ST7L: variants seen among roughly 807,000 people sequenced by gnomAD.
ST7L encodes the protein suppression of tumorigenicity 7 like, also known as suppressor of tumorigenicity 7 protein-like.
In ST7L, 57 loss-of-function variants were observed where a neutral mutation model predicts 72.5. That is an observed-to-expected ratio of 0.79 (90% CI 0.64 to 0.98). The LOEUF is 0.98. Among genes scored for constraint, ST7L ranks in the 50% least tolerant of loss-of-function variants. The pLI, the probability that ST7L is intolerant of heterozygous loss-of-function variation, is 0.00. For missense variants in ST7L, 576 were observed against 672.2 expected (o/e 0.86, Z 1.58); for synonymous variants, 221 against 240.9 (o/e 0.92, Z 0.77).
chr1:112,618,060 C>G, intron 1 of ST7L: 1 of 1,304,012 alleles, frequency 7.7e-7, no homozygotes, highest in East Asian at 5.5e-5. Context: ...CCTTTTGCTT[C>G]AGAAAAATCA....
intron 11 of ST7L, among the ~76,000 whole-genome samples, chr1:112,568,942 CACAA>C (rs1008946918): frequency 6.8e-6 from 1 of 146,698 alleles, no homozygotes. Flanking sequence ...AAAGAAAAAA[CACAA>C]ACAGCCAATA....
chr1:112,566,119 A>G (rs1278195625), intron 11 of ST7L, among the ~76,000 whole-genome samples: 2 of 152,088 alleles, frequency 1.3e-5, no homozygotes, highest in African/African-American at 4.8e-5. Context: ...ATCTAATTTC[A>G]TCAGAAGGCA....
chr1:112,541,237 T>C (rs936568435), intron 14 of ST7L, among the ~76,000 whole-genome samples: 10 of 151,018 alleles, frequency 6.6e-5, no homozygotes, highest in Non-Finnish European at 8.8e-5. Flanking sequence ...TGAGCTGAGA[T>C]CGTACCACTG....
intron 2 of ST7L, among the ~76,000 whole-genome samples, chr1:112,611,969 CAAAAAAAA>C (rs146893029): frequency 0.035 from 2,486 of 71,706 alleles, 83 homozygotes; most frequent in African/African-American, 0.12. Context: ...GACCCTGTCT[CAAAAAAAA>C]AAAAAAAAAA....
chr1:112,591,600 A>G lies in ST7L; in HGVS notation c.626T>C (p.Met209Thr), dbSNP rs781771525. 4 of 1,606,044 alleles carry G rather than the reference A, an allele frequency of 2.5e-6. No homozygotes were observed. Among genetic ancestry groups the G allele is most frequent in the South Asian group, 1.1e-5 (1 of 89,394 alleles). Residue 209 changes from methionine to threonine, a missense_variant, in exon 6 of 15, where the codon ATG (methionine) becomes ACG (threonine). Transcript: ENST00000358039. Reference protein sequence around the residue: ...TDFLRPSDTVMQKAWRERNPP... With the variant: ...TDFLRPSDTVTQKAWRERNPP... The stretch of plus-strand genomic sequence containing the variant: ...ATTTCTTTCCCTCCAAGCCTTCTGC[A>G]TAACTGTAGAAAAAAATTCCATAAA...
At chr1:112,527,775 A>G (rs762667890) in intron 14 of ST7L, 9 of 152,262 alleles carry the variant, frequency 5.9e-5, no homozygotes, top group African/African-American at 1.4e-4. Context: ...CTCCTTCCCA[A>G]TTGTAGGGAT....
At chr1:112,563,013 G>T (rs59771513) in intron 11 of ST7L, among the ~76,000 whole-genome samples, 1 of 152,092 alleles carries the variant, frequency 6.6e-6, no homozygotes, top group Non-Finnish European at 1.5e-5. Context: ...CAGAGAAGTA[G>T]AATTGGGAGG....
intron 12 of ST7L, among the ~76,000 whole-genome samples, chr1:112,551,136 A>ATTTTTTTTTT (rs1658060983): frequency 8.4e-6 from 1 of 119,740 alleles, no homozygotes; most frequent in African/African-American, 3.6e-5. Flanking sequence ...CTATGAGCAG[A>ATTTTTTTTTT]TCTTTTTTTT....
chr1:112,614,464 GC>G (rs1245669253), intron 2 of ST7L, among the ~76,000 whole-genome samples: 1 of 152,064 alleles, frequency 6.6e-6, no homozygotes, highest in Non-Finnish European at 1.5e-5. Flanking sequence ...AAATTATGAG[GC>G]TTATATTAAC....
downstream of ST7L, chr1:112,520,251 G>T (rs752143798): frequency 3.1e-6 from 5 of 1,598,036 alleles, no homozygotes; most frequent in African/African-American, 1.3e-5. Flanking sequence ...AGATAACTTT[G>T]TTCTCACTCC....
chr1:112,581,116 T>A (rs1664040793), intron 9 of ST7L, among the ~76,000 whole-genome samples: 1 of 152,162 alleles, frequency 6.6e-6, no homozygotes, highest in Non-Finnish European at 1.5e-5. Flanking sequence ...TCCCACAACA[T>A]CATAAGACTA....
At chr1:112,603,091 A>G (rs1667682146) in intron 3 of ST7L, among the ~76,000 whole-genome samples, 1 of 152,190 alleles carries the variant, frequency 6.6e-6, no homozygotes, top group Non-Finnish European at 1.5e-5. Context: ...GCTGCCAGTG[A>G]TAAAATTTGA....
chr1:112,539,664 A>G, intron 14 of ST7L: 2 of 959,058 alleles, frequency 2.1e-6, no homozygotes, highest in Non-Finnish European at 2.5e-6. Flanking sequence ...TCAAAAAAAA[A>G]AAAAAAAAAG....
rs370387066 is a variant in ST7L at position 112,587,863 on chromosome 1, AT to A, written c.701+3661del. 9.7e-3 allele frequency among the ~76,000 whole-genome samples: 1,483 copies of A among 152,314 alleles called. 10 individuals carry two copies. Among genetic ancestry groups the A allele is most frequent in the Non-Finnish European group, 0.015 (1,016 of 68,028 alleles). On this transcript the variant is annotated intron_variant, in intron 6 of 14. Transcript: ENST00000358039. ...CATTTCTGCAGAAATGATAATTAAAATTTTTATAGGGATTGCACTGAATCCG... is the reference window on the plus strand; with the variant it reads ...CATTTCTGCAGAAATGATAATTAAAATTTTATAGGGATTGCACTGAATCCG...
intron 11 of ST7L, among the ~76,000 whole-genome samples, chr1:112,576,121 ACT>A (rs1663062729): frequency 6.6e-6 from 1 of 151,794 alleles, no homozygotes; most frequent in East Asian, 1.9e-4. Flanking sequence ...ATGGGGTTTC[ACT>A]CTGTCACCCA....
intron 3 of ST7L, among the ~76,000 whole-genome samples, chr1:112,605,927 T>C (rs1278174635): frequency 1.3e-5 from 2 of 152,236 alleles, no homozygotes; most frequent in African/African-American, 4.8e-5. Context: ...GATTTGGTCA[T>C]TCTTCCTTTT....
intron 14 of ST7L, chr1:112,540,779 C>A (rs2101372813): frequency 7.8e-7 from 1 of 1,278,454 alleles, no homozygotes. Context: ...AATACATTAC[C>A]AAGTAAGGAC....
At position 112,542,044 on chromosome 1, in the gene ST7L, G is replaced by A. The variant is rs765190522; in HGVS notation, c.1536C>T (p.Phe512=). ...AGCAAAATCCTGCTGTGAAATGGAT[G>A]AACAAAGGAAGCTCCTTTTTTGGGT... is the stretch of plus-strand genomic sequence containing the variant. ...SVYPKKELPL[F]IHFTAGFCSS... is the part of the protein sequence containing the mutation. Residue 512 remains phenylalanine, a synonymous_variant, in exon 14 of 15, where the codon TTC becomes TTT. Coordinates refer to ENST00000358039, the MANE Select transcript of ST7L (RefSeq NM_017744.5). 7 of 1,612,982 alleles carry A rather than the reference G, an allele frequency of 4.3e-6. 1 individual carries two copies. The highest frequency in any genetic ancestry group is 3.3e-5 in the South Asian group (3 of 90,732).
chr1:112,520,544 G>T (rs777895917), downstream of ST7L: 1 of 1,602,936 alleles, frequency 6.2e-7, no homozygotes, highest in Non-Finnish European at 8.5e-7. Flanking sequence ...TCCAATTCAA[G>T]CCTCTCAACT....
Sources: gnomAD v4.1 joint callset for allele counts (sites outside exome capture counted in the v4.1 genomes callset) on GRCh38, gnomAD v4.1.1 for gene constraint, MANE v1.5 for transcripts, NCBI Gene and HGNC (gene_info 2026-07-23, HGNC 2026-07-21) for gene names.